CDC123: variants seen among roughly 807,000 people sequenced by gnomAD.
The protein encoded by CDC123 is cell division cycle 123.
Under a neutral mutation model 54.4 loss-of-function variants are expected in CDC123, and 37 were observed. The ratio of observed to expected loss-of-function variants is 0.68; its 90% CI spans 0.52 to 0.89. The LOEUF (loss-of-function observed/expected upper bound fraction) is 0.89, where lower values mean the gene tolerates loss of function less well. CDC123 is among the 40% of genes least tolerant of loss of function. The pLI, the probability that CDC123 is intolerant of heterozygous loss-of-function variation, is 0.00. For synonymous variants in CDC123, 144 were observed against 136.8 expected (o/e 1.05, Z -0.37); for missense variants, 361 against 412.1 (o/e 0.88, Z 1.07).
intron 6 of CDC123, among the ~76,000 whole-genome samples, chr10:12,218,390 C>G (rs1835690385): frequency 6.6e-6 from 1 of 151,770 alleles, no homozygotes; most frequent in Non-Finnish European, 1.5e-5. Flanking sequence ...CAGGCATGCA[C>G]CACCACACCC....
intron 6 of CDC123, among the ~76,000 whole-genome samples, chr10:12,224,784 T>TTTTTTG (rs902920639): frequency 6.6e-6 from 1 of 152,120 alleles, no homozygotes; most frequent in Non-Finnish European, 1.5e-5. Flanking sequence ...TGGTGGTGGT[T>TTTTTTG]TTTTTGTTTT....
At chr10:12,217,616 A>AG in intron 6 of CDC123, 149 bp downstream of exon 6, 1 of 739,026 alleles carries the variant, frequency 1.4e-6, no homozygotes, top group Non-Finnish European at 2.0e-6. Flanking sequence ...TGTTAAAGCA[A>AG]ATCTTTCTTT....
In CDC123 at chr10:12,203,462, G is replaced by C. The variant is rs111241016; in HGVS notation, c.146+4686G>C. 1.1e-3 allele frequency among the ~76,000 whole-genome samples: 168 copies of C among 152,278 alleles called. 2 individuals carry two copies. Among genetic ancestry groups the C allele is most frequent in the African/African-American group, 3.6e-3 (149 of 41,558 alleles). On this transcript the variant is annotated intron_variant, in intron 2 of 12. Coordinates refer to ENST00000281141, the MANE Select transcript of CDC123 (RefSeq NM_006023.3). ...CTAGTTTACCTTGTTTGCCGACTCA[G>C]ATCTAATGGTAATGGTTTCCTGGAG...
chr10:12,221,083 T>G lies in CDC123; in HGVS notation c.440+3616T>G, dbSNP rs2131744420. Among the ~76,000 whole-genome samples, 3 of 151,350 alleles carry G rather than the reference T, an allele frequency of 2.0e-5. No homozygotes were observed. The South Asian group carries it at 6.2e-4, about 31-fold the overall frequency. Reference sequence around the variant, plus strand: ...ACAGTTATATATAATATGTATAAATTTATATAACATAAAAATGAGATTATG... The same window carrying G: ...ACAGTTATATATAATATGTATAAATGTATATAACATAAAAATGAGATTATG... On this transcript the variant is annotated intron_variant, in intron 6 of 12. Transcript: ENST00000281141.
intron 4 of CDC123, among the ~76,000 whole-genome samples, chr10:12,214,981 TTTTC>T (rs1231877371): frequency 6.6e-6 from 1 of 152,146 alleles, no homozygotes; most frequent in East Asian, 1.9e-4. Context: ...ACTTACCTTT[TTTTC>T]TTTCTTATGT....
chr10:12,222,992 C>T (rs951230777), intron 6 of CDC123, among the ~76,000 whole-genome samples: 6 of 151,562 alleles, frequency 4.0e-5, no homozygotes, highest in Non-Finnish European at 5.9e-5. Flanking sequence ...CCCGGGTTCA[C>T]GCCATTCTCC....
intron 6 of CDC123, among the ~76,000 whole-genome samples, chr10:12,222,539 A>G (rs1485483286): frequency 2.0e-5 from 3 of 152,358 alleles, no homozygotes; most frequent in South Asian, 4.1e-4. Flanking sequence ...TAAACATTCT[A>G]TGTTATTAAA....
chr10:12,211,250 C>CG (rs1554806207), intron 4 of CDC123, among the ~76,000 whole-genome samples: 6,570 of 152,254 alleles, frequency 0.043, 479 homozygotes, highest in African/African-American at 0.15. Context: ...CTTGAGTTGA[C>CG]GGGAAAGTTT....
chr10:12,217,819 G>C (rs1040330836), intron 6 of CDC123, among the ~76,000 whole-genome samples: 1 of 152,222 alleles, frequency 6.6e-6, no homozygotes, highest in Non-Finnish European at 1.5e-5. Flanking sequence ...GGGCGCGGTG[G>C]CTCACGCCTG....
chr10:12,239,568 CG>C (rs1481834276), intron 10 of CDC123, among the ~76,000 whole-genome samples: 3 of 151,694 alleles, frequency 2.0e-5, no homozygotes, highest in Non-Finnish European at 4.4e-5. Flanking sequence ...CAAAATTAGC[CG>C]GGCATGGTGG....
chr10:12,240,704 C>T (rs576964534), intron 10 of CDC123, among the ~76,000 whole-genome samples: 1 of 152,026 alleles, frequency 6.6e-6, no homozygotes, highest in Non-Finnish European at 1.5e-5. Context: ...AATGAGACCT[C>T]GTCTCTACAT....
intron 6 of CDC123, among the ~76,000 whole-genome samples, chr10:12,222,111 G>T (rs1296033656): frequency 2.0e-5 from 3 of 152,218 alleles, no homozygotes; most frequent in African/African-American, 7.2e-5. Flanking sequence ...GTCAGCACAT[G>T]CATCTCAATG....
chr10:12,247,026 GTCC>G (rs5783246), intron 11 of CDC123: 23,069 of 70,712 alleles, frequency 0.33, 5,761 homozygotes, highest in Non-Finnish European at 0.44. Flanking sequence ...TGGACACTGT[GTCC>G]TCCTCTCTCA....
chr10:12,206,759 C>T (rs570755032), intron 2 of CDC123, among the ~76,000 whole-genome samples: 1 of 152,184 alleles, frequency 6.6e-6, no homozygotes, highest in South Asian at 2.1e-4. Flanking sequence ...GAGATCGAGA[C>T]CATCCTGGCC....
At chr10:12,201,343 T>C (rs1314683020) in intron 2 of CDC123, among the ~76,000 whole-genome samples, 1 of 152,172 alleles carries the variant, frequency 6.6e-6, no homozygotes, top group Non-Finnish European at 1.5e-5. Flanking sequence ...TTGGGATAAG[T>C]GCTATGCAGA....
chr10:12,222,134 A>C (rs994387314), intron 6 of CDC123, among the ~76,000 whole-genome samples: 1 of 152,230 alleles, frequency 6.6e-6, no homozygotes, highest in Admixed American at 6.5e-5. Context: ...TAGAGAGGGA[A>C]CCAGGAAGCA....
At chr10:12,216,986 A>T (rs1251768273) in intron 5 of CDC123, among the ~76,000 whole-genome samples, 1 of 152,182 alleles carries the variant, frequency 6.6e-6, no homozygotes, top group African/African-American at 2.4e-5. Context: ...GTGGAAATTG[A>T]TCTCTCTTTT....
In CDC123 at chr10:12,246,227, T is replaced by A; in HGVS notation, c.796T>A (p.Ser266Thr). The change falls in exon 11 of 13, where the codon TCT becomes ACT. Residue 266 changes from serine (S) to threonine (T), a missense_variant. Coordinates refer to ENST00000281141, the MANE Select transcript of CDC123 (RefSeq NM_006023.3). ...GCTGTTCACCTGGGAAGAACTGATA[T>A]CTGAGAACAACTTAAACGGCGATTT... is the stretch of plus-strand genomic sequence containing the variant. ...SLLFTWEELISENNLNGDFSE... is the reference protein window; with the variant it reads ...SLLFTWEELITENNLNGDFSE... 6.2e-7 allele frequency: 1 copy of A among 1,614,172 alleles called. No homozygotes were observed. Among genetic ancestry groups the A allele is most frequent in the East Asian group, 2.2e-5 (1 of 44,890 alleles).
intron 4 of CDC123, among the ~76,000 whole-genome samples, chr10:12,210,737 G>A (rs1287795770): frequency 1.3e-5 from 2 of 152,186 alleles, no homozygotes; most frequent in Non-Finnish European, 2.9e-5. Flanking sequence ...TTCTTGCTCT[G>A]TCGCCCAGGC....
Sources: gnomAD v4.1 joint callset for allele counts (sites outside exome capture counted in the v4.1 genomes callset) on GRCh38, gnomAD v4.1.1 for gene constraint, MANE v1.5 for transcripts, NCBI Gene and HGNC (gene_info 2026-07-23, HGNC 2026-07-21) for gene names.